Variants in PJA2 observed in about 807,000 individuals in gnomAD.
PJA2 encodes praja ring finger ubiquitin ligase 2.
A neutral mutation model predicts 69.3 loss-of-function variants in PJA2; 25 were observed. That is an observed-to-expected ratio of 0.36 (90% confidence interval 0.26 to 0.50). The LOEUF is 0.50. Among genes scored for constraint, PJA2 ranks in the 20% least tolerant of loss-of-function variants. The probability of loss-of-function intolerance (pLI) is 0.96; values close to 1 mark genes in which losing one functional copy is unlikely to be tolerated. For missense variants in PJA2, 809 were observed against 830.2 expected, an observed-to-expected ratio of 0.97 and a Z score of 0.31; for synonymous variants, 308 against 277.8, an observed-to-expected ratio of 1.11 and a Z score of -1.08.
In PJA2 at chr5:109,334,934, G is replaced by T. The variant is rs1761912155; in HGVS notation, c.*2297C>A. On this transcript the variant is annotated 3_prime_UTR_variant, in exon 10 of 10. Coordinates refer to ENST00000361189, the MANE Select transcript of PJA2 (RefSeq NM_014819.5). Reference sequence around the variant, plus strand: ...TAAGAAACACAAAGAATACCACATAGATCTACCTTTAAATATCAGCATTCA... The same window carrying T: ...TAAGAAACACAAAGAATACCACATATATCTACCTTTAAATATCAGCATTCA... The T allele has an allele frequency of 6.6e-6, 1 of 152,404 alleles. No homozygotes were observed. Among genetic ancestry groups the T allele is most frequent in the South Asian group, 2.1e-4 (1 of 4,816 alleles). The allele number at this position is 152,404 out of a possible 1,614,324, so 9.4% of individuals were successfully genotyped here. A position where few individuals can be genotyped will look rare whatever the true frequency, so the allele number is the denominator to read the frequency against.
rs748128479 is a variant in PJA2 at position 109,362,966 on chromosome 5, T to C, written c.1526A>G (p.Asn509Ser). 26 of 1,613,634 alleles carry C rather than the reference T, an allele frequency of 1.6e-5. No individual in the cohort carries two copies. The highest frequency in any genetic ancestry group is 1.4e-4 in the South Asian group (13 of 91,030). ...EIPWLQYNEV[N>S]ESSSDEGNEP... ...ATTTCCCTCATCACTGCTGCTTTCA[T>C]TGACTTCATTGTACTGTAACCAAGG... The change falls in exon 6 of 10, where the codon AAT (asparagine) becomes AGT (serine). Residue 509 changes from asparagine to serine, a missense_variant. Transcript: ENST00000361189.
intron 7 of PJA2, among the ~76,000 whole-genome samples, chr5:109,348,911 T>C (rs1762209296): frequency 6.6e-6 from 1 of 152,248 alleles, no homozygotes; most frequent in African/African-American, 2.4e-5. Context: ...GTTAACAGTT[T>C]ACTTTTCCTC....
intron 6 of PJA2, among the ~76,000 whole-genome samples, chr5:109,358,893 TG>T (rs549898950): frequency 7.5e-4 from 115 of 152,322 alleles, no homozygotes; most frequent in African/African-American, 2.5e-3. Context: ...AACTAGTGGA[TG>T]GAAGTTTGAT....
At chr5:109,353,462 C>A (rs1399361582) in intron 7 of PJA2, among the ~76,000 whole-genome samples, 1 of 78,956 alleles carries the variant, frequency 1.3e-5, no homozygotes, top group African/African-American at 3.7e-5. Context: ...ATATTAGATA[C>A]CTATATCTAT....
At chr5:109,409,697 G>T (rs1001272159) in intron 1 of PJA2, 145 bp downstream of exon 1, 2 of 153,194 alleles carry the variant, frequency 1.3e-5, no homozygotes, top group South Asian at 1.9e-4. Context: ...CATGGCCGGC[G>T]CAGCAGGCCA....
chr5:109,353,515 TATATATTAGATATCTATAATATCATAG>T (rs1762317704), intron 7 of PJA2, among the ~76,000 whole-genome samples: 1 of 123,628 alleles, frequency 8.1e-6, no homozygotes, highest in Non-Finnish European at 1.7e-5. Flanking sequence ...TATAGATATC[TATATATTAGATATCTATAATATCATAG>T]ATATCTATAT....
At chr5:109,340,643 C>CT (rs1561338660) in intron 9 of PJA2, among the ~76,000 whole-genome samples, 757 of 2,148 alleles carry the variant, frequency 0.35, 285 homozygotes, top group Non-Finnish European at 0.55. Flanking sequence ...TCCCCCTCCC[C>CT]CTCCCCCTCC....
At chr5:109,406,451 G>A (rs185756387) in intron 1 of PJA2, among the ~76,000 whole-genome samples, 3 of 152,296 alleles carry the variant, frequency 2.0e-5, no homozygotes, top group Admixed American at 2.0e-4. Context: ...TCTGGTAAAT[G>A]CAAATCAAAA....
At chr5:109,354,604 G>T (rs186964427) in intron 7 of PJA2, among the ~76,000 whole-genome samples, 126 of 134,530 alleles carry the variant, frequency 9.4e-4, no homozygotes, top group Non-Finnish European at 1.5e-3. Flanking sequence ...ATTACATATC[G>T]ATATCTAATA....
chr5:109,404,462 G>A (rs114217445), intron 1 of PJA2, among the ~76,000 whole-genome samples: 1 of 151,838 alleles, frequency 6.6e-6, no homozygotes, highest in Admixed American at 6.6e-5. Context: ...AGGTTGCAGC[G>A]AGCTGAGACT....
chr5:109,341,103 C>T (rs1417806601), intron 9 of PJA2, among the ~76,000 whole-genome samples: 2 of 115,816 alleles, frequency 1.7e-5, no homozygotes, highest in Non-Finnish European at 4.0e-5. Context: ...GGCCACCCAT[C>T]GTCTGGGATG....
intron 1 of PJA2, among the ~76,000 whole-genome samples, chr5:109,405,085 T>C (rs1262188494): frequency 6.6e-6 from 1 of 152,226 alleles, no homozygotes; most frequent in Non-Finnish European, 1.5e-5. Context: ...TGAATGAATT[T>C]AGCAAGGTTG....
chr5:109,364,556 G>C (rs1260378012), intron 5 of PJA2, among the ~76,000 whole-genome samples: 2 of 149,048 alleles, frequency 1.3e-5, no homozygotes, highest in African/African-American at 4.9e-5. Context: ...CCGGGAGGCG[G>C]AGCTTGCAGT....
At chr5:109,342,393 G>C in intron 9 of PJA2, among the ~76,000 whole-genome samples, 1 of 123,360 alleles carries the variant, frequency 8.1e-6, no homozygotes, top group Non-Finnish European at 1.7e-5. Flanking sequence ...TCGGCCCCCT[G>C]CCCGGCCAGC....
intron 7 of PJA2, among the ~76,000 whole-genome samples, chr5:109,347,211 G>A (rs1199784792): frequency 1.3e-5 from 2 of 152,228 alleles, no homozygotes; most frequent in Non-Finnish European, 2.9e-5. Flanking sequence ...TTGAATTATT[G>A]CTTCTCAGCT....
intron 1 of PJA2, among the ~76,000 whole-genome samples, chr5:109,396,713 C>T (rs112691575): frequency 0.018 from 2,505 of 141,498 alleles, 37 homozygotes; most frequent in Middle Eastern, 0.027. Flanking sequence ...GGATGAGCAC[C>T]GCACCCGGCC....
chr5:109,405,967 T>C (rs977022786), intron 1 of PJA2, among the ~76,000 whole-genome samples: 8 of 151,890 alleles, frequency 5.3e-5, no homozygotes, highest in East Asian at 1.9e-4. Context: ...TGTGTGTTTA[T>C]GTATCTCTGT....
chr5:109,402,180 A>G (rs1325362154), intron 1 of PJA2, among the ~76,000 whole-genome samples: 1 of 152,202 alleles, frequency 6.6e-6, no homozygotes, highest in Non-Finnish European at 1.5e-5. Flanking sequence ...CAGAGAGCAC[A>G]TAAGTAGAAA....
At chr5:109,369,747 T>G (rs1481053693) in intron 4 of PJA2, among the ~76,000 whole-genome samples, 3 of 152,130 alleles carry the variant, frequency 2.0e-5, no homozygotes, top group Non-Finnish European at 4.4e-5. Context: ...AAATTTCAGT[T>G]CAGGCCGGGC....
Sources: gnomAD v4.1 joint callset for allele counts (sites outside exome capture counted in the v4.1 genomes callset) on GRCh38, gnomAD v4.1.1 for gene constraint, MANE v1.5 for transcripts, NCBI Gene and HGNC (gene_info 2026-07-23, HGNC 2026-07-21) for gene names.